The following BLOC1S5 variants were observed in gnomAD, a reference collection of about 807,000 sequenced individuals.
BLOC1S5 encodes the protein biogenesis of lysosome-related organelles complex 1 subunit 5.
In BLOC1S5, 27 loss-of-function variants were observed where a neutral mutation model predicts 24.3. The ratio of observed to expected loss-of-function variants is 1.11; its 90% CI spans 0.82 to 1.53. BLOC1S5 has a LOEUF of 1.53. Ranked by LOEUF, BLOC1S5 falls within the 40% of genes most tolerant of loss-of-function variation. BLOC1S5 has a pLI of 0.00. For synonymous variants in BLOC1S5, 84 were observed against 74.5 expected, an observed-to-expected ratio of 1.13 and a Z score of -0.66; for missense variants, 239 against 229.4, an observed-to-expected ratio of 1.04 and a Z score of -0.27.
At chr6:8,064,167 AGCCCGGGACCCGGGGGTCG>A (rs1313911685) in intron 1 of BLOC1S5, 79 bp downstream of exon 1, 2 of 1,044,228 alleles carry the variant, frequency 1.9e-6, no homozygotes, top group East Asian at 6.2e-5. Flanking sequence ...CACGCGCGCC[AGCCCGGGACCCGGGGGTCG>A]GCCCGGGTCA....
Position 8,064,254 on chromosome 6 carries a change from A to G in BLOC1S5, c.112+11T>C, listed in dbSNP as rs759745032. The G allele has an allele frequency of 6.2e-7, 1 of 1,608,920 alleles. No homozygotes were observed. ...GGATCCACCAGGAACTATAGCCCTG[A>G]CACTCCGTACCCTTGATAATGAGGT... On this transcript the variant is annotated intron_variant, in intron 1 of 4. Coordinates refer to ENST00000397457, the MANE Select transcript of BLOC1S5 (RefSeq NM_201280.3).
intron 3 of BLOC1S5, among the ~76,000 whole-genome samples, chr6:8,033,431 G>A (rs538325503): frequency 0.024 from 3,654 of 152,108 alleles, 151 homozygotes; most frequent in African/African-American, 0.082. Context: ...CCATATGTAG[G>A]AAGCTGAAAC....
intron 3 of BLOC1S5, among the ~76,000 whole-genome samples, chr6:8,028,796 TCAAAGA>T (rs1763191785): frequency 1.3e-5 from 2 of 152,176 alleles, no homozygotes; most frequent in Admixed American, 1.3e-4. Context: ...TTTTCTAAAG[TCAAAGA>T]CAATCACCAG....
At chr6:8,017,310 G>A (rs578102369) in intron 4 of BLOC1S5, among the ~76,000 whole-genome samples, 36 of 152,054 alleles carry the variant, frequency 2.4e-4, no homozygotes, top group Middle Eastern at 3.4e-3. Context: ...CCTGAGAGGC[G>A]GAGGTTGCAG....
intron 2 of BLOC1S5, among the ~76,000 whole-genome samples, chr6:8,047,425 A>G (rs1334031476): frequency 2.0e-5 from 3 of 152,102 alleles, no homozygotes; most frequent in African/African-American, 7.2e-5. Context: ...TATAAAAGAC[A>G]TTTGTTGACC....
At chr6:8,064,120 G>A in intron 1 of BLOC1S5, 145 bp downstream of exon 1, 1 of 598,378 alleles carries the variant, frequency 1.7e-6, no homozygotes, top group East Asian at 3.3e-5. Context: ...GGGGAAAAAG[G>A]CGGGGACCGA....
intron 2 of BLOC1S5, among the ~76,000 whole-genome samples, chr6:8,060,439 A>G (rs1764472920): frequency 6.6e-6 from 1 of 152,142 alleles, no homozygotes; most frequent in Non-Finnish European, 1.5e-5. Flanking sequence ...CCAAAGTAGG[A>G]GGAGGCTAAG....
At chr6:8,023,860 G>GT (rs1398302764) in intron 4 of BLOC1S5, among the ~76,000 whole-genome samples, 2 of 151,454 alleles carry the variant, frequency 1.3e-5, no homozygotes, top group Non-Finnish European at 2.9e-5. Flanking sequence ...GTGCACATGT[G>GT]TATGTGTGGG....
chr6:8,032,230 A>G (rs1012735523), intron 3 of BLOC1S5, among the ~76,000 whole-genome samples: 23 of 152,232 alleles, frequency 1.5e-4, no homozygotes, highest in African/African-American at 3.9e-4. Flanking sequence ...CAAAAGACTA[A>G]TATGCAGAGT....
chr6:8,059,165 C>T (rs1231144027), intron 2 of BLOC1S5, among the ~76,000 whole-genome samples: 2 of 152,178 alleles, frequency 1.3e-5, no homozygotes, highest in African/African-American at 4.8e-5. Context: ...AGGATTCCAC[C>T]TGAAAGGTGA....
intron 3 of BLOC1S5, among the ~76,000 whole-genome samples, chr6:8,039,706 G>C (rs1440488283): frequency 6.6e-6 from 1 of 152,050 alleles, no homozygotes; most frequent in African/African-American, 2.4e-5. Flanking sequence ...TCATTTCAAT[G>C]AACAAATTAC....
intron 4 of BLOC1S5, among the ~76,000 whole-genome samples, 161 bp from the exon 5 acceptor site, chr6:8,015,989 G>A (rs769456191): frequency 6.6e-6 from 1 of 152,180 alleles, no homozygotes; most frequent in African/African-American, 2.4e-5. Flanking sequence ...AACATCTAAG[G>A]CTTCTCTCAT....
At chr6:8,050,664 G>A (rs951089462) in intron 2 of BLOC1S5, among the ~76,000 whole-genome samples, 1 of 150,940 alleles carries the variant, frequency 6.6e-6, no homozygotes, top group Non-Finnish European at 1.5e-5. Context: ...GTGCGGCGGT[G>A]TGATCTCGGC....
chr6:8,031,147 A>G (rs1209166966), intron 3 of BLOC1S5, among the ~76,000 whole-genome samples: 2 of 152,214 alleles, frequency 1.3e-5, no homozygotes, highest in Non-Finnish European at 1.5e-5. Flanking sequence ...GACAACAGAA[A>G]GAAATAAAGG....
Position 8,064,389 on chromosome 6 carries a change from C to T in BLOC1S5, c.-13G>A. On this transcript the variant is annotated 5_prime_UTR_variant, in exon 1 of 5. Transcript: ENST00000397457. ...CTCCGCCACTCATCCCGACCAGTTC[C>T]GCCCACCCGCGGCCACGCTGCGCCT... 1 of 1,601,698 alleles carries T rather than the reference C, an allele frequency of 6.2e-7. No individual in the cohort carries two copies. The highest frequency in any genetic ancestry group is 8.5e-7 in the Non-Finnish European group (1 of 1,175,694).
At chr6:8,030,865 C>CAAAAAAAA (rs55692261) in intron 3 of BLOC1S5, among the ~76,000 whole-genome samples, 5 of 118,544 alleles carry the variant, frequency 4.2e-5, no homozygotes, top group Admixed American at 1.7e-4. Context: ...GACCAACAGT[C>CAAAAAAAA]AAAAAAAAAA....
At chr6:8,024,706 C>G (rs1008883003) in intron 4 of BLOC1S5, among the ~76,000 whole-genome samples, 1 of 151,994 alleles carries the variant, frequency 6.6e-6, no homozygotes, top group Non-Finnish European at 1.5e-5. Context: ...ACACGGTGAC[C>G]GCTCGCATCT....
Position 8,013,795 on chromosome 6 carries a change from G to T in BLOC1S5, c.*1854C>A, listed in dbSNP as rs995864317. On this transcript the variant is annotated 3_prime_UTR_variant, in exon 5 of 5. Transcript: ENST00000397457. The stretch of plus-strand genomic sequence containing the variant: ...GGCTCCCCTCCCTTTTCATGTGTGG[G>T]ATATTTTTGGAAGTATTTCTTTTTC... 6.6e-6 allele frequency: 1 copy of T among 152,112 alleles called. No homozygotes were observed. The highest frequency in any genetic ancestry group is 2.4e-5 in the African/African-American group (1 of 41,422). The allele number at this position is 152,112 out of a possible 1,614,324, so 9.4% of individuals were successfully genotyped here.
At chr6:8,037,323 T>C (rs373365181) in intron 3 of BLOC1S5, among the ~76,000 whole-genome samples, 28 of 152,326 alleles carry the variant, frequency 1.8e-4, no homozygotes, top group African/African-American at 6.0e-4. Flanking sequence ...CATTTATATA[T>C]GCCAACAGCA....
Sources: gnomAD v4.1 joint callset for allele counts (sites outside exome capture counted in the v4.1 genomes callset) on GRCh38, gnomAD v4.1.1 for gene constraint, MANE v1.5 for transcripts, NCBI Gene and HGNC (gene_info 2026-07-23, HGNC 2026-07-21) for gene names.